Variants in EPM2A observed in about 807,000 individuals in gnomAD.
EPM2A encodes laforin.
EPM2A carries 21 observed loss-of-function variants against 26.5 expected under a neutral mutation model. The ratio of observed to expected loss-of-function variants is 0.79; its 90% CI spans 0.56 to 1.14. The LOEUF is 1.14. Ranked by LOEUF, EPM2A falls within the 50% of genes most tolerant of loss-of-function variation. The pLI, the probability that EPM2A is intolerant of heterozygous loss-of-function variation, is 0.00. For synonymous variants in EPM2A, 217 were observed against 177.6 expected, an observed-to-expected ratio of 1.22 and a Z score of -1.76; for missense variants, 458 against 440.8, an observed-to-expected ratio of 1.04 and a Z score of -0.35.
intron 2 of EPM2A, among the ~76,000 whole-genome samples, chr6:145,586,771 AG>A (rs561987241): frequency 1.4e-3 from 220 of 152,312 alleles, no homozygotes; most frequent in African/African-American, 5.0e-3. Flanking sequence ...AGATAATTTT[AG>A]AAATTAAAAA....
chr6:145,718,311 G>A (rs1240774132), intron 1 of EPM2A, among the ~76,000 whole-genome samples: 99 of 145,488 alleles, frequency 6.8e-4, no homozygotes, highest in African/African-American at 2.5e-3. Flanking sequence ...CAGAAATAAC[G>A]CCACATATCT....
At chr6:145,603,140 A>C (rs1781437171) in intron 2 of EPM2A, among the ~76,000 whole-genome samples, 1 of 152,302 alleles carries the variant, frequency 6.6e-6, no homozygotes, top group Admixed American at 6.5e-5. Context: ...TATGCTTGGC[A>C]GTGGAAATGA....
In EPM2A at chr6:145,443,010, G is replaced by A. The variant is rs9497304; in HGVS notation, c.556-58913C>T. 8.1e-3 allele frequency among the ~76,000 whole-genome samples: 1,236 copies of A among 152,024 alleles called. 19 individuals are homozygous for A. The highest frequency in any genetic ancestry group is 0.028 in the African/African-American group (1,177 of 41,410). ...TGAGTAGCTGGGACTACAGGCACCT[G>A]CCACCACGCCCGGCTAATTTTTGTG... On this transcript the variant is annotated intron_variant, in intron 4 of 4. Coordinates refer to the EPM2A transcript ENST00000638717.
intron 2 of EPM2A, among the ~76,000 whole-genome samples, chr6:145,551,504 T>C (rs1029799985): frequency 1.3e-5 from 2 of 152,020 alleles, no homozygotes; most frequent in African/African-American, 4.8e-5. Context: ...TGGCTTGATT[T>C]TGACACTGGA....
intron 2 of EPM2A, among the ~76,000 whole-genome samples, chr6:145,650,086 A>C (rs1016895908): frequency 3.9e-5 from 6 of 152,154 alleles, no homozygotes; most frequent in African/African-American, 1.4e-4. Flanking sequence ...ATCTGCTGGA[A>C]AGGATAAAAG....
intron 4 of EPM2A, among the ~76,000 whole-genome samples, chr6:145,436,062 G>T (rs1778985271): frequency 6.6e-6 from 1 of 152,126 alleles, no homozygotes. Context: ...GTATAGAATA[G>T]TTTCTCAGCC....
intron 4 of EPM2A, chr6:145,491,163 G>T: frequency 3.9e-6 from 2 of 515,982 alleles, no homozygotes; most frequent in South Asian, 3.2e-5. Context: ...CTTTGTTCCT[G>T]ACTTCAAGGG....
At chr6:145,440,950 T>C (rs1048802548) in intron 4 of EPM2A, among the ~76,000 whole-genome samples, 9 of 152,212 alleles carry the variant, frequency 5.9e-5, no homozygotes, top group Non-Finnish European at 1.5e-5. Flanking sequence ...TGGAGGATTG[T>C]GCCCCTCTTC....
At chr6:145,485,364 G>A (rs897115316) in intron 4 of EPM2A, among the ~76,000 whole-genome samples, 1 of 152,072 alleles carries the variant, frequency 6.6e-6, no homozygotes, top group Non-Finnish European at 1.5e-5. Context: ...CGGGCTCCAT[G>A]AGATCACTAG....
chr6:145,541,346 G>GTATATATATGTGTGTGTGTA lies in EPM2A; in HGVS notation c.341-38772_341-38771insTACACACACACATATATATA, dbSNP rs1562375816. Among the ~76,000 whole-genome samples the GTATATATATGTGTGTGTGTA allele has an allele frequency of 1.0e-4, 15 of 148,364 alleles. No individual in the cohort carries two copies. In the East Asian group the frequency reaches 3.0e-3, roughly 29 times the overall value. ...TATATGTGTATATATATGTGTGTGT[G>GTATATATATGTGTGTGTGTA]TATATATATATATATGATCGGTGTT... On this transcript the variant is annotated intron_variant, in intron 2 of 3. Coordinates refer to the EPM2A transcript ENST00000450221.
In EPM2A at chr6:145,574,045, C is replaced by T. The variant is rs542388536; in HGVS notation, c.340+61200G>A. Among the ~76,000 whole-genome samples, 86 of 152,254 alleles carry T rather than the reference C, an allele frequency of 5.6e-4. 1 individual carries two copies. The highest frequency in any genetic ancestry group is 1.8e-3 in the Admixed American group (28 of 15,290). Reference sequence around the variant, plus strand: ...TCCTTGGGGAAGTACGGGAGAAAGACTCACTGCATAAATTGTTGGTAATGT... The same window carrying T: ...TCCTTGGGGAAGTACGGGAGAAAGATTCACTGCATAAATTGTTGGTAATGT... On this transcript the variant is annotated intron_variant, in intron 2 of 3. Transcript: ENST00000450221.
At chr6:145,666,701 G>A (rs915657549) in intron 2 of EPM2A, among the ~76,000 whole-genome samples, 20 of 138,094 alleles carry the variant, frequency 1.4e-4, no homozygotes, top group African/African-American at 2.3e-4. Context: ...AGCCCGCATC[G>A]CCAAGTCAAT....
At chr6:145,669,203 A>C (rs1779467357) in intron 2 of EPM2A, among the ~76,000 whole-genome samples, 1 of 150,684 alleles carries the variant, frequency 6.6e-6, no homozygotes, top group South Asian at 2.1e-4. Flanking sequence ...ACTTATCAAA[A>C]CAAGATAACA....
chr6:145,513,813 C>T (rs1267469887), intron 2 of EPM2A, among the ~76,000 whole-genome samples: 1 of 152,204 alleles, frequency 6.6e-6, no homozygotes, highest in African/African-American at 2.4e-5. Flanking sequence ...AATTAAGCCA[C>T]CATCCCTATA....
chr6:145,463,587 T>G (rs1301965006), intron 4 of EPM2A, among the ~76,000 whole-genome samples: 1 of 152,126 alleles, frequency 6.6e-6, no homozygotes, highest in Non-Finnish European at 1.5e-5. Flanking sequence ...CTGGAGATCT[T>G]TCCATGCTGG....
At chr6:145,527,847 C>G (rs1307886688) in intron 2 of EPM2A, among the ~76,000 whole-genome samples, 3 of 151,784 alleles carry the variant, frequency 2.0e-5, no homozygotes, top group Non-Finnish European at 4.4e-5. Flanking sequence ...CTGAGAAATG[C>G]TGAAAGTTAG....
At chr6:145,707,683 C>T (rs951402305) in intron 1 of EPM2A, among the ~76,000 whole-genome samples, 2 of 152,174 alleles carry the variant, frequency 1.3e-5, no homozygotes, top group African/African-American at 2.4e-5. Context: ...GATTGTGAGG[C>T]GTCCTCAGCC....
intron 2 of EPM2A, among the ~76,000 whole-genome samples, chr6:145,605,458 T>C (rs1775223134): frequency 6.6e-6 from 1 of 152,160 alleles, no homozygotes; most frequent in Middle Eastern, 3.2e-3. Context: ...AAGCTTAGGC[T>C]GTTCCATTAT....
chr6:145,418,976 T>C (rs939430201), intron 4 of EPM2A, among the ~76,000 whole-genome samples: 1 of 152,200 alleles, frequency 6.6e-6, no homozygotes, highest in Non-Finnish European at 1.5e-5. Context: ...AACTTGAATA[T>C]GGTGTTGAGA....
Sources: gnomAD v4.1 joint callset for allele counts (sites outside exome capture counted in the v4.1 genomes callset) on GRCh38, gnomAD v4.1.1 for gene constraint, MANE v1.5 for transcripts, NCBI Gene and HGNC (gene_info 2026-07-23, HGNC 2026-07-21) for gene names.